HPSE2: variants seen among roughly 807,000 people sequenced by gnomAD.
HPSE2 encodes inactive heparanase-2.
Under a neutral mutation model 60.5 loss-of-function variants are expected in HPSE2, and 38 were observed. That is an observed-to-expected ratio of 0.63 (90% CI 0.48 to 0.82). The LOEUF (loss-of-function observed/expected upper bound fraction) is 0.82. HPSE2 is among the 40% of genes least tolerant of loss of function. The pLI, the probability that HPSE2 is intolerant of heterozygous loss-of-function variation, is 0.00. For missense variants in HPSE2, 713 were observed against 740.4 expected (o/e 0.96, Z 0.43); for synonymous variants, 295 against 293.2 (o/e 1.01, Z -0.06).
intron 3 of HPSE2, among the ~76,000 whole-genome samples, chr10:99,111,718 T>C (rs189328421): frequency 1.7e-4 from 26 of 152,230 alleles, no homozygotes; most frequent in African/African-American, 6.0e-4. Flanking sequence ...TGTGCTGCTA[T>C]GCCTATGCCT....
Position 98,693,900 on chromosome 10 carries a change from T to C in HPSE2, c.1004A>G (p.His335Arg), listed in dbSNP as rs1424626152. The change falls in exon 6 of 12, where the codon CAT becomes CGT. Residue 335 changes from histidine (H) to arginine (R), a missense_variant and splice_region_variant. Physicochemically the swap from His to Arg is conservative, Grantham distance 29 (BLOSUM62 0). Coordinates refer to ENST00000370552, the MANE Select transcript of HPSE2 (RefSeq NM_021828.5). The part of the protein sequence containing the change: ...GSTVDAVTWQ[H>R]CYIDGRVVKV... ...AAGAGCAAAAATGGTGAATACCTAC[T>C]GTTGCCAGGTAACTGCATCTACTGT... is the stretch of plus-strand genomic sequence containing the variant. 1.2e-6 allele frequency: 2 copies of C among 1,611,500 alleles called. No homozygotes were observed. Among genetic ancestry groups the C allele is most frequent in the Non-Finnish European group, 1.7e-6 (2 of 1,177,570 alleles).
chr10:98,959,078 C>T (rs574579546), intron 3 of HPSE2, among the ~76,000 whole-genome samples: 1 of 152,030 alleles, frequency 6.6e-6, no homozygotes, highest in African/African-American at 2.4e-5. Flanking sequence ...GCATAGAAGG[C>T]ACTACAAATA....
intron 9 of HPSE2, among the ~76,000 whole-genome samples, chr10:98,516,349 T>C (rs1942601598): frequency 6.6e-6 from 1 of 152,180 alleles, no homozygotes; most frequent in South Asian, 2.1e-4. Flanking sequence ...GCTTTATAAA[T>C]AAATATTTGT....
chr10:98,746,137 C>T (rs868814771), intron 3 of HPSE2, among the ~76,000 whole-genome samples: 2 of 151,940 alleles, frequency 1.3e-5, no homozygotes, highest in Admixed American at 6.6e-5. Flanking sequence ...TCATACTCTA[C>T]CCAGAATTGA....
intron 6 of HPSE2, among the ~76,000 whole-genome samples, chr10:98,654,725 T>TACTTTGTTCAGAC (rs796690879): frequency 6.6e-6 from 1 of 152,336 alleles, no homozygotes; most frequent in African/African-American, 2.4e-5. Context: ...CTGGTTCTGA[T>TACTTTGTTCAGAC]ACTTTGTTCA....
At chr10:99,052,326 C>T (rs1332788283) in intron 3 of HPSE2, among the ~76,000 whole-genome samples, 1 of 145,456 alleles carries the variant, frequency 6.9e-6, no homozygotes, top group Non-Finnish European at 1.5e-5. Flanking sequence ...GAAGCCATCC[C>T]CAAGAAAAGG....
At chr10:98,612,366 C>T (rs1945785729) in intron 9 of HPSE2, among the ~76,000 whole-genome samples, 1 of 152,212 alleles carries the variant, frequency 6.6e-6, no homozygotes. Flanking sequence ...TGTCACAGAA[C>T]CTTAGTTTCT....
intron 6 of HPSE2, among the ~76,000 whole-genome samples, chr10:98,692,260 T>G (rs1047180640): frequency 6.6e-6 from 1 of 152,066 alleles, no homozygotes; most frequent in South Asian, 2.1e-4. Flanking sequence ...GAGGCAGATA[T>G]GCACATGGAC....
chr10:99,240,203 A>G (rs1405755021), upstream of HPSE2, among the ~76,000 whole-genome samples: 2 of 152,052 alleles, frequency 1.3e-5, no homozygotes, highest in Admixed American at 6.5e-5. Flanking sequence ...AAAAGAAAAG[A>G]AAAGGAAAAA....
rs1017618477 is a variant in HPSE2 at position 98,479,487 on chromosome 10, G to A, written c.1613+3149C>T. On this transcript the variant is annotated intron_variant, in intron 11 of 11. Transcript: ENST00000370552. ...TTCACTGAAACCACACCCTTCCTGT[G>A]AGACCCCCATCGCAGACCACTCAGC... is the stretch of plus-strand genomic sequence containing the variant. Among the ~76,000 whole-genome samples the A allele has an allele frequency of 2.0e-5, 3 of 152,160 alleles. No homozygotes were observed. The East Asian group carries it at 5.8e-4, about 29-fold the overall frequency.
At chr10:99,295,959 A>C in the HPSE2 span, among the ~76,000 whole-genome samples, 1 of 152,328 alleles carries the variant, frequency 6.6e-6, no homozygotes, top group Admixed American at 6.5e-5. Context: ...GCCTCCAAAA[A>C]GTGTCCCCTG....
intron 3 of HPSE2, among the ~76,000 whole-genome samples, chr10:99,111,956 G>A (rs1016666526): frequency 5.9e-5 from 9 of 152,146 alleles, no homozygotes; most frequent in African/African-American, 1.9e-4. Context: ...TTCAGTGAGG[G>A]CAGGGATTGG....
intron 3 of HPSE2, among the ~76,000 whole-genome samples, chr10:99,086,072 C>T (rs1279316286): frequency 2.6e-5 from 4 of 152,140 alleles, no homozygotes; most frequent in Non-Finnish European, 5.9e-5. Flanking sequence ...CTTTCACCCC[C>T]ACTTCATTCT....
chr10:99,224,200 A>G (rs1015415904), intron 2 of HPSE2, among the ~76,000 whole-genome samples: 18 of 152,122 alleles, frequency 1.2e-4, no homozygotes, highest in African/African-American at 4.3e-4. Flanking sequence ...ATCAAAGTGA[A>G]GAAAACTGAA....
the HPSE2 span, among the ~76,000 whole-genome samples, chr10:99,308,387 A>AAAAAAAAAAAAAAAAAAAAAG: frequency 2.0e-5 from 3 of 146,832 alleles, no homozygotes; most frequent in Admixed American, 1.4e-4. Flanking sequence ...CTCAAAAAAA[A>AAAAAAAAAAAAAAAAAAAAAG]AAAAAAAAAG....
chr10:99,169,125 G>A (rs1220290112), intron 2 of HPSE2, among the ~76,000 whole-genome samples: 3 of 150,532 alleles, frequency 2.0e-5, no homozygotes, highest in Non-Finnish European at 4.4e-5. Context: ...CCCAGGAGGC[G>A]GAGCTTGTAG....
At chr10:98,724,340 T>C (rs1283394017) in intron 4 of HPSE2, among the ~76,000 whole-genome samples, 1 of 152,218 alleles carries the variant, frequency 6.6e-6, no homozygotes, top group Non-Finnish European at 1.5e-5. Flanking sequence ...CAGTTTGTTA[T>C]AATTTCTGTT....
At chr10:98,478,320 G>T (rs1383085123) in intron 11 of HPSE2, among the ~76,000 whole-genome samples, 7 of 152,240 alleles carry the variant, frequency 4.6e-5, no homozygotes, top group Admixed American at 3.9e-4. Flanking sequence ...TAGTCATAGA[G>T]CCTCTTTGTG....
intron 3 of HPSE2, among the ~76,000 whole-genome samples, chr10:98,839,961 TTATAAA>T (rs1460326951): frequency 6.6e-6 from 1 of 152,222 alleles, no homozygotes; most frequent in Non-Finnish European, 1.5e-5. Context: ...TACAAAACAT[TTATAAA>T]TATACATTCT....
Sources: gnomAD v4.1 joint callset for allele counts (sites outside exome capture counted in the v4.1 genomes callset) on GRCh38, gnomAD v4.1.1 for gene constraint, MANE v1.5 for transcripts, NCBI Gene and HGNC (gene_info 2026-07-23, HGNC 2026-07-21) for gene names.